Variants in LEKR1 observed in about 807,000 individuals in gnomAD.
LEKR1 encodes leucine, glutamate and lysine rich 1.
LEKR1 carries 59 observed loss-of-function variants against 72.4 expected under a neutral mutation model. The observed-to-expected ratio is 0.82, with a 90% CI of 0.66 to 1.01. The LOEUF (loss-of-function observed/expected upper bound fraction) is 1.01. Among genes scored for constraint, LEKR1 ranks in the 50% least tolerant of loss-of-function variants. The probability of loss-of-function intolerance (pLI) is 0.00; values close to 1 mark genes in which losing one functional copy is unlikely to be tolerated. For synonymous variants in LEKR1, 257 were observed against 263.2 expected (o/e 0.98, Z 0.23); for missense variants, 728 against 759.2 (o/e 0.96, Z 0.48).
intron 3 of LEKR1, among the ~76,000 whole-genome samples, chr3:156,897,095 G>A (rs1333899386): frequency 6.6e-6 from 1 of 152,116 alleles, no homozygotes; most frequent in African/African-American, 2.4e-5. Context: ...TACCTATTGG[G>A]TACTATGCTT....
At chr3:157,006,468 T>A (rs576845875) in intron 9 of LEKR1, among the ~76,000 whole-genome samples, 5 of 152,318 alleles carry the variant, frequency 3.3e-5, no homozygotes, top group African/African-American at 1.2e-4. Flanking sequence ...GTTAAATATA[T>A]ACCTACCTTG....
At chr3:157,023,650 A>G (rs539547156) in intron 10 of LEKR1, among the ~76,000 whole-genome samples, 6 of 152,214 alleles carry the variant, frequency 3.9e-5, no homozygotes, top group African/African-American at 1.4e-4. Context: ...TTATAACCCT[A>G]CCAGGAAGGG....
intron 7 of LEKR1, among the ~76,000 whole-genome samples, chr3:156,987,196 G>C (rs1003650232): frequency 1.3e-5 from 2 of 152,142 alleles, no homozygotes; most frequent in African/African-American, 4.8e-5. Context: ...TGCTTAAAGA[G>C]ATGTAGACAT....
chr3:157,012,721 G>A (rs1451662545), intron 10 of LEKR1, among the ~76,000 whole-genome samples: 1 of 152,044 alleles, frequency 6.6e-6, no homozygotes, highest in Admixed American at 6.6e-5. Flanking sequence ...AACAAAATTG[G>A]AGAATATGGA....
At chr3:157,007,239 G>C (rs1359029155) in intron 9 of LEKR1, among the ~76,000 whole-genome samples, 1 of 151,922 alleles carries the variant, frequency 6.6e-6, no homozygotes, top group African/African-American at 2.4e-5. Flanking sequence ...AACAAACAAA[G>C]AGGCAACCCC....
At chr3:156,993,648 T>C (rs1731317410) in intron 9 of LEKR1, among the ~76,000 whole-genome samples, 1 of 152,206 alleles carries the variant, frequency 6.6e-6, no homozygotes, top group African/African-American at 2.4e-5. Context: ...GATCTTTTTA[T>C]ATCACTTTTT....
chr3:156,827,559 A>G (rs772989477), intron 1 of LEKR1, among the ~76,000 whole-genome samples: 1 of 152,242 alleles, frequency 6.6e-6, no homozygotes, highest in South Asian at 2.1e-4. Flanking sequence ...CCTTGGCTGT[A>G]TAAAAGAGGG....
chr3:156,884,939 C>T (rs2108554338), intron 3 of LEKR1, among the ~76,000 whole-genome samples: 1 of 152,144 alleles, frequency 6.6e-6, no homozygotes, highest in South Asian at 2.1e-4. Flanking sequence ...GGCCATTTAA[C>T]ATAATCCCAA....
At chr3:156,961,725 T>TA (rs1335126639) in intron 6 of LEKR1, among the ~76,000 whole-genome samples, 1 of 152,208 alleles carries the variant, frequency 6.6e-6, no homozygotes, top group East Asian at 1.9e-4. Context: ...TGGTACTGTT[T>TA]AGGCCTTGTA....
chr3:156,844,002 A>G (rs1460470733), intron 2 of LEKR1, among the ~76,000 whole-genome samples: 1 of 152,140 alleles, frequency 6.6e-6, no homozygotes, highest in Non-Finnish European at 1.5e-5. Flanking sequence ...AAATATTATT[A>G]TGAATCTTGA....
intron 6 of LEKR1, among the ~76,000 whole-genome samples, chr3:156,946,354 T>C (rs987716025): frequency 6.6e-6 from 1 of 151,378 alleles, no homozygotes; most frequent in Non-Finnish European, 1.5e-5. Flanking sequence ...AGTCTTTAGG[T>C]TTTTCTAAAT....
At chr3:157,038,992 A>G (rs571211852) in intron 12 of LEKR1, among the ~76,000 whole-genome samples, 3 of 152,346 alleles carry the variant, frequency 2.0e-5, no homozygotes, top group South Asian at 4.1e-4. Flanking sequence ...CTAAAGGACT[A>G]TAGATCTGTA....
chr3:156,865,679 T>C (rs1717229814), intron 3 of LEKR1, among the ~76,000 whole-genome samples: 4 of 152,124 alleles, frequency 2.6e-5, no homozygotes, highest in Non-Finnish European at 5.9e-5. Flanking sequence ...TATTTGATCA[T>C]TGTATCTGTC....
chr3:156,908,196 A>G (rs1320081932), intron 3 of LEKR1, among the ~76,000 whole-genome samples: 1 of 152,164 alleles, frequency 6.6e-6, no homozygotes, highest in Non-Finnish European at 1.5e-5. Flanking sequence ...CCTTCACTGT[A>G]TAGTTATTAT....
chr3:157,030,270 A>G (rs1014423299), intron 12 of LEKR1, among the ~76,000 whole-genome samples: 45 of 152,262 alleles, frequency 3.0e-4, no homozygotes, highest in Non-Finnish European at 3.8e-4. Flanking sequence ...GCCATGATTC[A>G]AACACCTCCC....
intron 9 of LEKR1, among the ~76,000 whole-genome samples, chr3:156,997,106 C>G (rs967601707): frequency 4.6e-5 from 7 of 151,874 alleles, no homozygotes; most frequent in Non-Finnish European, 7.4e-5. Context: ...AAATGGCCTT[C>G]AGAAGCTTTT....
intron 6 of LEKR1, among the ~76,000 whole-genome samples, chr3:156,960,951 C>T (rs1395914047): frequency 6.6e-6 from 1 of 152,180 alleles, no homozygotes; most frequent in Admixed American, 6.5e-5. Context: ...ATATAATCCT[C>T]TCAGAGGTCA....
In LEKR1 at chr3:156,901,273, G is replaced by T. The variant is rs138533294; in HGVS notation, c.264-19302G>T. 2.1e-3 allele frequency among the ~76,000 whole-genome samples: 320 copies of T among 151,680 alleles called. 2 individuals are homozygous for T. Among genetic ancestry groups the T allele is most frequent in the African/African-American group, 7.6e-3 (313 of 41,340 alleles). On this transcript the variant is annotated intron_variant, in intron 3 of 12. Coordinates refer to ENST00000356539, the MANE Select transcript of LEKR1 (RefSeq NM_001004316.3). Reference sequence around the variant, plus strand: ...GCTTTCAGCAGTACTTGTGATGCAAGCATATTCTCTAATTGGAAAGTTCTT... The same window carrying T: ...GCTTTCAGCAGTACTTGTGATGCAATCATATTCTCTAATTGGAAAGTTCTT...
intron 2 of LEKR1, among the ~76,000 whole-genome samples, chr3:156,844,052 G>T (rs917639431): frequency 6.6e-6 from 1 of 152,006 alleles, no homozygotes; most frequent in Admixed American, 6.6e-5. Context: ...AAATACTTTT[G>T]CCAACTGACC....
Sources: gnomAD v4.1 joint callset for allele counts (sites outside exome capture counted in the v4.1 genomes callset) on GRCh38, gnomAD v4.1.1 for gene constraint, MANE v1.5 for transcripts, NCBI Gene and HGNC (gene_info 2026-07-23, HGNC 2026-07-21) for gene names.